Variants in FASTKD1 observed in about 807,000 individuals in gnomAD.
The protein encoded by FASTKD1 is FAST kinase domain-containing protein 1, mitochondrial.
A neutral mutation model predicts 90.9 loss-of-function variants in FASTKD1; 94 were observed. The ratio of observed to expected loss-of-function variants is 1.03; its 90% CI spans 0.88 to 1.23. The LOEUF (loss-of-function observed/expected upper bound fraction) is 1.23. Among genes scored for constraint, FASTKD1 ranks in the 50% most tolerant of loss-of-function variants. The pLI is 0.00. For missense variants in FASTKD1, 945 were observed against 993.5 expected, an observed-to-expected ratio of 0.95 and a Z score of 0.66; for synonymous variants, 319 against 345.8, an observed-to-expected ratio of 0.92 and a Z score of 0.86.
intron 12 of FASTKD1, 120 bp from the exon 13 acceptor site, chr2:169,531,610 T>A: frequency 1.3e-6 from 1 of 746,584 alleles, no homozygotes; most frequent in South Asian, 2.6e-5. Context: ...CACAAAAGAA[T>A]GACGAACCTC....
intron 7 of FASTKD1, among the ~76,000 whole-genome samples, chr2:169,551,782 GA>G (rs928954365): frequency 2.0e-5 from 3 of 152,066 alleles, no homozygotes; most frequent in African/African-American, 7.2e-5. Context: ...AAACGAATGA[GA>G]CCCTATCTCA....
chr2:169,560,367 G>T lies in FASTKD1; in HGVS notation c.971+20C>A. 6.6e-7 allele frequency: 1 copy of T among 1,512,126 alleles called. No individual in the cohort carries two copies. The highest frequency in any genetic ancestry group is 8.8e-7 in the Non-Finnish European group (1 of 1,137,566). The allele number at this position is 1,512,126 out of a possible 1,614,324, so 93.7% of individuals were successfully genotyped here. On this transcript the variant is annotated intron_variant, in intron 5 of 14. Coordinates refer to ENST00000453153, the MANE Select transcript of FASTKD1 (RefSeq NM_024622.6). Reference sequence around the variant, plus strand: ...ACGTATTCACAACAAAAAAAGTAATGCATTTTAAACTGAACTTACTGTTTC... The same window carrying T: ...ACGTATTCACAACAAAAAAAGTAATTCATTTTAAACTGAACTTACTGTTTC...
chr2:169,535,229 C>T (rs1684677445), intron 12 of FASTKD1, among the ~76,000 whole-genome samples: 1 of 151,974 alleles, frequency 6.6e-6, no homozygotes, highest in Admixed American at 6.6e-5. Flanking sequence ...GTCACTGAGG[C>T]TAGAGTGCAG....
intron 8 of FASTKD1, 117 bp from the exon 9 acceptor site, chr2:169,544,952 A>C: frequency 3.4e-6 from 2 of 585,090 alleles, no homozygotes; most frequent in Non-Finnish European, 3.0e-6. Flanking sequence ...TAAATAATAA[A>C]TGTATCACCC....
intron 7 of FASTKD1, 121 bp from the exon 8 acceptor site, chr2:169,546,825 A>T: frequency 9.9e-7 from 1 of 1,012,936 alleles, no homozygotes; most frequent in Non-Finnish European, 1.4e-6. Flanking sequence ...AACCTCTTTC[A>T]AACTATGTTT....
chr2:169,531,069 T>C (rs753452978), intron 13 of FASTKD1: 5 of 688,456 alleles, frequency 7.3e-6, no homozygotes, highest in South Asian at 5.5e-5. Context: ...CTAAGTGCTA[T>C]GAGAAAAGTA....
chr2:169,567,224 C>T (rs996440272), intron 3 of FASTKD1, among the ~76,000 whole-genome samples: 2 of 151,824 alleles, frequency 1.3e-5, no homozygotes, highest in South Asian at 2.1e-4. Flanking sequence ...CTATAAAATA[C>T]AATCATACAT....
chr2:169,546,828 CTA>C, intron 7 of FASTKD1, 124 bp from the exon 8 acceptor site: 3 of 969,806 alleles, frequency 3.1e-6, no homozygotes, highest in South Asian at 3.7e-5. Flanking sequence ...CTCTTTCAAA[CTA>C]TGTTTCTCCT....
chr2:169,549,803 T>C (rs1340704677), intron 7 of FASTKD1, among the ~76,000 whole-genome samples: 1 of 152,166 alleles, frequency 6.6e-6, no homozygotes, highest in East Asian at 1.9e-4. Flanking sequence ...AAAATAATCG[T>C]AATATTAATA....
chr2:169,563,975 A>G (rs1683837631), intron 3 of FASTKD1, among the ~76,000 whole-genome samples: 1 of 152,170 alleles, frequency 6.6e-6, no homozygotes, highest in East Asian at 1.9e-4. Context: ...TTTCTATAGA[A>G]ACAATTTATG....
At chr2:169,540,327 TAA>T in intron 9 of FASTKD1, 148 bp from the exon 10 acceptor site, 1 of 816,922 alleles carries the variant, frequency 1.2e-6, no homozygotes, top group Non-Finnish European at 1.8e-6. Context: ...GGATAATGGT[TAA>T]GTGGTTACCT....
At chr2:169,556,009 T>G (rs766883471) in intron 6 of FASTKD1, among the ~76,000 whole-genome samples, 2 of 151,300 alleles carry the variant, frequency 1.3e-5, no homozygotes, top group Non-Finnish European at 2.9e-5. Context: ...ACCCTATCTC[T>G]ACAAAAAATT....
At chr2:169,561,978 C>T (rs182582151) in intron 4 of FASTKD1, among the ~76,000 whole-genome samples, 39,843 of 71,648 alleles carry the variant, frequency 0.56, 12,335 homozygotes, top group East Asian at 0.68. Context: ...ATTAATTATT[C>T]ATTAATTTAT....
In FASTKD1 at chr2:169,538,068, G is replaced by A; in HGVS notation, c.2019C>T (p.Cys673=). 2.5e-6 allele frequency: 4 copies of A among 1,612,008 alleles called. No individual in the cohort carries two copies. Among genetic ancestry groups the A allele is most frequent in the African/African-American group, 1.3e-5 (1 of 74,906 alleles). ...GAAACCATGGAATCTGAAACTCAGGGCATTCCAAGCAGACTGATCTATTTA... is the reference window on the plus strand; with the variant it reads ...GAAACCATGGAATCTGAAACTCAGGACATTCCAAGCAGACTGATCTATTTA... ...MELNRSVCLE[C]PEFQIPWFHD... The change falls in exon 11 of 15, where the codon TGC becomes TGT. Residue 673 remains cysteine, a synonymous_variant. Transcript: ENST00000453153.
chr2:169,562,450 C>G (rs1332262917), intron 4 of FASTKD1, among the ~76,000 whole-genome samples: 1 of 152,042 alleles, frequency 6.6e-6, no homozygotes, highest in Non-Finnish European at 1.5e-5. Context: ...CCAGGCTGGT[C>G]TCGAACTCCT....
intron 3 of FASTKD1, among the ~76,000 whole-genome samples, chr2:169,563,748 T>C (rs1419228691): frequency 2.6e-5 from 4 of 152,140 alleles, no homozygotes; most frequent in Non-Finnish European, 5.9e-5. Context: ...ATTTTATGAC[T>C]TTGAATTCAC....
chr2:169,558,352 G>A (rs1683422677), intron 5 of FASTKD1, among the ~76,000 whole-genome samples: 2 of 152,114 alleles, frequency 1.3e-5, no homozygotes, highest in Admixed American at 1.3e-4. Context: ...CCGCCTCCCA[G>A]GTTCAAGCGA....
intron 3 of FASTKD1, among the ~76,000 whole-genome samples, chr2:169,564,117 G>A (rs760508225): frequency 3.3e-5 from 5 of 152,040 alleles, no homozygotes; most frequent in African/African-American, 1.2e-4. Context: ...CATGCTGTAT[G>A]CTTATGACTA....
At chr2:169,536,415 T>C (rs576532287) in intron 12 of FASTKD1, among the ~76,000 whole-genome samples, 1 of 152,024 alleles carries the variant, frequency 6.6e-6, no homozygotes, top group Middle Eastern at 3.4e-3. Flanking sequence ...AAAATATATA[T>C]ATATATATTA....
Sources: gnomAD v4.1 joint callset for allele counts (sites outside exome capture counted in the v4.1 genomes callset) on GRCh38, gnomAD v4.1.1 for gene constraint, MANE v1.5 for transcripts, NCBI Gene and HGNC (gene_info 2026-07-23, HGNC 2026-07-21) for gene names.